The following TLK1 variants were observed in gnomAD, a reference collection of about 807,000 sequenced individuals.
TLK1 encodes tousled like kinase 1.
In TLK1, 24 loss-of-function variants were observed where a neutral mutation model predicts 105.3. The observed-to-expected ratio is 0.23, with a 90% confidence interval of 0.17 to 0.32. The LOEUF (loss-of-function observed/expected upper bound fraction) is 0.32. TLK1 is among the 10% of genes least tolerant of loss of function. The pLI is 1.00. For missense variants in TLK1, 558 were observed against 910.5 expected, an observed-to-expected ratio of 0.61 and a Z score of 4.98; for synonymous variants, 321 against 310.4, an observed-to-expected ratio of 1.03 and a Z score of -0.36.
intron 2 of TLK1, among the ~76,000 whole-genome samples, chr2:171,084,121 T>C (rs1376680571): frequency 6.6e-6 from 1 of 152,172 alleles, no homozygotes; most frequent in Non-Finnish European, 1.5e-5. Flanking sequence ...CAACCATAGA[T>C]AATGTATGGT....
intron 4 of TLK1, among the ~76,000 whole-genome samples, chr2:171,060,748 G>A (rs1375703184): frequency 6.6e-6 from 1 of 151,874 alleles, no homozygotes; most frequent in South Asian, 2.1e-4. Flanking sequence ...AAATAAATGG[G>A]AAAAGTTTGA....
At chr2:171,057,151 A>G (rs1265612318) in intron 5 of TLK1, among the ~76,000 whole-genome samples, 1 of 152,092 alleles carries the variant, frequency 6.6e-6, no homozygotes, top group East Asian at 1.9e-4. Context: ...CAACTGATCT[A>G]TTCCATAGCT....
At chr2:171,134,710 G>A (rs1217332607) in intron 1 of TLK1, among the ~76,000 whole-genome samples, 1 of 144,050 alleles carries the variant, frequency 6.9e-6, no homozygotes, top group Non-Finnish European at 1.5e-5. Flanking sequence ...TATATACAAT[G>A]TAATACTATT....
At chr2:171,015,054 A>G (rs1449877368) in intron 12 of TLK1, 106 bp from the exon 13 acceptor site, 1 of 822,056 alleles carries the variant, frequency 1.2e-6, no homozygotes, top group Non-Finnish European at 2.0e-6. Context: ...AGAATAGTAT[A>G]TTATAAAGTA....
intron 1 of TLK1, among the ~76,000 whole-genome samples, chr2:171,144,425 A>G (rs184808841): frequency 2.0e-5 from 3 of 152,340 alleles, no homozygotes; most frequent in East Asian, 1.9e-4. Context: ...ATGCTAGACC[A>G]TAAAACCAGC....
At chr2:171,228,942 C>T (rs1693945006) in intron 1 of TLK1, among the ~76,000 whole-genome samples, 1 of 152,194 alleles carries the variant, frequency 6.6e-6, no homozygotes, top group African/African-American at 2.4e-5. Context: ...GTCCCAGCTG[C>T]ATGGAACAGA....
At chr2:171,078,681 T>A (rs1224159184) in intron 3 of TLK1, among the ~76,000 whole-genome samples, 1 of 152,238 alleles carries the variant, frequency 6.6e-6, no homozygotes, top group Non-Finnish European at 1.5e-5. Flanking sequence ...ATAGTCTCAG[T>A]AACCAAAGTT....
intron 3 of TLK1, among the ~76,000 whole-genome samples, chr2:171,070,892 GT>G (rs1688222170): frequency 1.3e-5 from 2 of 152,186 alleles, no homozygotes; most frequent in Admixed American, 1.3e-4. Flanking sequence ...TCTACCAACA[GT>G]GTATGAGGTT....
intron 1 of TLK1, among the ~76,000 whole-genome samples, chr2:171,214,481 C>T (rs13385521): frequency 0.031 from 4,739 of 152,274 alleles, 246 homozygotes; most frequent in East Asian, 0.17. Context: ...TGATAAAGCA[C>T]ACCTGAATGC....
chr2:171,177,887 G>A (rs372533454), intron 1 of TLK1, among the ~76,000 whole-genome samples: 8 of 152,078 alleles, frequency 5.3e-5, no homozygotes, highest in African/African-American at 1.2e-4. Flanking sequence ...TCTGCCTCCC[G>A]GGTTTAAGCG....
intron 13 of TLK1, 131 bp from the exon 14 acceptor site, chr2:171,011,585 T>G: frequency 1.4e-6 from 1 of 721,270 alleles, no homozygotes. Flanking sequence ...ATTTCAAATT[T>G]CATTCAATAT....
At chr2:171,001,981 G>A (rs554499083) in intron 18 of TLK1, among the ~76,000 whole-genome samples, 22 of 152,054 alleles carry the variant, frequency 1.4e-4, no homozygotes, top group African/African-American at 4.3e-4. Flanking sequence ...GGGTTTCACC[G>A]TTGGCCAGGA....
At chr2:171,037,060 A>C (rs1224086468) in intron 11 of TLK1, among the ~76,000 whole-genome samples, 7 of 152,158 alleles carry the variant, frequency 4.6e-5, no homozygotes, top group African/African-American at 1.7e-4. Flanking sequence ...ATCTGCAGGA[A>C]ACTAGTCAAA....
At chr2:171,218,043 G>A (rs1693745464) in intron 1 of TLK1, among the ~76,000 whole-genome samples, 1 of 152,168 alleles carries the variant, frequency 6.6e-6, no homozygotes, top group Non-Finnish European at 1.5e-5. Flanking sequence ...CACAAGGTCA[G>A]GAGATCAAGA....
chr2:171,029,641 T>G (rs1356122551), intron 11 of TLK1, among the ~76,000 whole-genome samples: 2 of 152,126 alleles, frequency 1.3e-5, no homozygotes, highest in African/African-American at 4.8e-5. Flanking sequence ...TTCAAAATCT[T>G]AATTATAAAT....
intron 1 of TLK1, among the ~76,000 whole-genome samples, chr2:171,220,686 C>T (rs1028235082): frequency 1.3e-5 from 2 of 152,052 alleles, no homozygotes; most frequent in African/African-American, 2.4e-5. Context: ...AGCCAAGTTT[C>T]CCCTCACCCA....
At chr2:171,107,983 G>C (rs1424054945) in intron 2 of TLK1, among the ~76,000 whole-genome samples, 1 of 151,842 alleles carries the variant, frequency 6.6e-6, no homozygotes, top group Non-Finnish European at 1.5e-5. Flanking sequence ...CTTGAGCCTA[G>C]GAGGCAGAGG....
chr2:171,022,557 C>T (rs1372196403), intron 12 of TLK1, among the ~76,000 whole-genome samples: 1 of 152,164 alleles, frequency 6.6e-6, no homozygotes, highest in Non-Finnish European at 1.5e-5. Flanking sequence ...ACACAAGCAG[C>T]ATCTTGTGTC....
At chr2:170,996,914 T>C (rs575007090) in intron 19 of TLK1, among the ~76,000 whole-genome samples, 154 bp from the exon 20 acceptor site, 1 of 152,330 alleles carries the variant, frequency 6.6e-6, no homozygotes, top group East Asian at 1.9e-4. Context: ...TGAATTCTCA[T>C]ACAAACAAGC....
Sources: allele counts gnomAD v4.1 joint callset (sites outside exome capture counted in the v4.1 genomes callset), GRCh38; gene constraint gnomAD v4.1.1; transcripts MANE v1.5; gene names NCBI Gene and HGNC (gene_info 2026-07-23, HGNC 2026-07-21).